TNR: variants seen among roughly 807,000 people sequenced by gnomAD.
TNR encodes the protein tenascin R.
In TNR, 45 loss-of-function variants were observed where a neutral mutation model predicts 150.4. The observed-to-expected ratio is 0.30, with a 90% CI of 0.24 to 0.38. TNR has a LOEUF of 0.38. Among genes scored for constraint, TNR ranks in the 10% least tolerant of loss-of-function variants. TNR has a pLI of 1.00. For missense variants in TNR, 1,544 were observed against 1,759.1 expected (o/e 0.88, Z 2.19); for synonymous variants, 687 against 678.4 (o/e 1.01, Z -0.20).
intron 1 of TNR, among the ~76,000 whole-genome samples, chr1:175,616,776 C>A (rs1017400988): frequency 2.0e-5 from 3 of 152,134 alleles, no homozygotes; most frequent in Non-Finnish European, 4.4e-5. Context: ...CTAGTGTTCC[C>A]AGCTACTCCC....
intron 18 of TNR, among the ~76,000 whole-genome samples, chr1:175,348,815 T>C (rs761288181): frequency 4.6e-5 from 7 of 152,154 alleles, no homozygotes; most frequent in Non-Finnish European, 8.8e-5. Flanking sequence ...GCGGAACATA[T>C]TGAAGAAAAC....
chr1:175,383,849 T>G (rs1393464386), intron 8 of TNR, among the ~76,000 whole-genome samples: 1 of 152,100 alleles, frequency 6.6e-6, no homozygotes, highest in Non-Finnish European at 1.5e-5. Context: ...TTCTTTCCCC[T>G]CACCCTCCTC....
At position 175,367,273 on chromosome 1, in the gene TNR, C is replaced by T; in HGVS notation, c.1988G>A (p.Gly663Glu). The stretch of plus-strand genomic sequence containing the variant: ...GTTCATGACGGCAGATATTCCAACT[C>T]CATACTCAGTGCCAGGTACCAGATC... ...LTDLVPGTEY[G>E]VGISAVMNSQ... Residue 663 changes from glycine to glutamate, a missense_variant, in exon 10 of 23, where the codon GGA becomes GAA. Gly to Glu is a moderately conservative substitution (Grantham distance 98, BLOSUM62 -2). Transcript: ENST00000367674. The T allele has an allele frequency of 6.2e-7, 1 of 1,614,166 alleles. No homozygotes were observed. The highest frequency in any genetic ancestry group is 8.5e-7 in the Non-Finnish European group (1 of 1,180,012).
chr1:175,346,412 T>C (rs539694176), intron 18 of TNR, among the ~76,000 whole-genome samples: 1 of 152,166 alleles, frequency 6.6e-6, no homozygotes, highest in East Asian at 1.9e-4. Context: ...AGTACTTGGA[T>C]TGTTACACAA....
At chr1:175,654,697 T>C (rs961682960) in intron 1 of TNR, among the ~76,000 whole-genome samples, 7 of 150,024 alleles carry the variant, frequency 4.7e-5, no homozygotes, top group Admixed American at 4.6e-4. Flanking sequence ...TGTCTTCCAC[T>C]ATCTCCAACA....
At chr1:175,625,332 C>T (rs917909431) in intron 1 of TNR, among the ~76,000 whole-genome samples, 2 of 152,232 alleles carry the variant, frequency 1.3e-5, no homozygotes, top group Non-Finnish European at 2.9e-5. Flanking sequence ...TGTAGCAGAA[C>T]TAGATGTTGG....
At chr1:175,715,468 GA>G (rs1667131320) in intron 1 of TNR, among the ~76,000 whole-genome samples, 1 of 152,140 alleles carries the variant, frequency 6.6e-6, no homozygotes, top group Admixed American at 6.5e-5. Flanking sequence ...CATCCATGAT[GA>G]AGCCTGACCA....
intron 1 of TNR, among the ~76,000 whole-genome samples, chr1:175,695,036 C>T (rs769793274): frequency 1.3e-4 from 20 of 152,170 alleles, no homozygotes; most frequent in Non-Finnish European, 2.4e-4. Context: ...TTTGACACTC[C>T]CCCTTCAAAA....
At chr1:175,341,338 C>T (rs1372914490) in intron 18 of TNR, among the ~76,000 whole-genome samples, 1 of 152,166 alleles carries the variant, frequency 6.6e-6, no homozygotes, top group Non-Finnish European at 1.5e-5. Context: ...GATGGAGAAT[C>T]TTTTAATTTT....
intron 2 of TNR, among the ~76,000 whole-genome samples, chr1:175,445,142 C>T (rs1297760788): frequency 6.6e-6 from 1 of 152,088 alleles, no homozygotes; most frequent in Non-Finnish European, 1.5e-5. Context: ...TGGTGGCAGG[C>T]ACCTGTAGTC....
intron 1 of TNR, among the ~76,000 whole-genome samples, chr1:175,655,854 A>G (rs1665155395): frequency 6.6e-6 from 1 of 152,176 alleles, no homozygotes; most frequent in African/African-American, 2.4e-5. Context: ...AGCTGTCACT[A>G]TAAGGACAAT....
At position 175,541,729 on chromosome 1, in the gene TNR, A is replaced by G. The variant is rs570638903; in HGVS notation, c.-164-13360T>C. 7.2e-5 allele frequency among the ~76,000 whole-genome samples: 11 copies of G among 152,312 alleles called. No individual in the cohort carries two copies. The South Asian group carries it at 2.1e-3, about 29-fold the overall frequency. On this transcript the variant is annotated intron_variant, in intron 1 of 22. Transcript: ENST00000367674. Reference sequence around the variant, plus strand: ...TACAATTTACACCAAGGGGGATGCCAGGTGTGGAGAAAAGCATGTATTTGA... The same window carrying G: ...TACAATTTACACCAAGGGGGATGCCGGGTGTGGAGAAAAGCATGTATTTGA...
intron 1 of TNR, among the ~76,000 whole-genome samples, chr1:175,608,355 T>C (rs2101852868): frequency 6.6e-6 from 1 of 152,348 alleles, no homozygotes; most frequent in South Asian, 2.1e-4. Flanking sequence ...CAAACTGGAT[T>C]CCTTTAAATG....
intron 1 of TNR, among the ~76,000 whole-genome samples, chr1:175,685,644 A>G (rs773103430): frequency 1.1e-4 from 16 of 152,086 alleles, no homozygotes; most frequent in Non-Finnish European, 1.9e-4. Context: ...AAAAATAGTC[A>G]AAGTCTATAC....
At chr1:175,362,481 C>T (rs79247495) in intron 14 of TNR, among the ~76,000 whole-genome samples, 182 bp downstream of exon 14, 4 of 152,076 alleles carry the variant, frequency 2.6e-5, no homozygotes, top group South Asian at 2.1e-4. Context: ...ACTCTCTAAA[C>T]GTTTAGTATT....
intron 1 of TNR, among the ~76,000 whole-genome samples, chr1:175,679,495 C>T (rs6685612): frequency 0.28 from 43,087 of 152,146 alleles, 6,483 homozygotes; most frequent in Non-Finnish European, 0.33. Flanking sequence ...CAATTGGATA[C>T]GCAAAATGTC....
chr1:175,373,436 T>C (rs908434078), intron 9 of TNR, among the ~76,000 whole-genome samples: 1 of 152,124 alleles, frequency 6.6e-6, no homozygotes, highest in Non-Finnish European at 1.5e-5. Context: ...CCCACACTTA[T>C]CTCTTTGGAT....
Position 175,403,480 on chromosome 1 carries a change from C to A in TNR, c.636G>T (p.Gly212=), listed in dbSNP as rs750486420. The A allele has an allele frequency of 1.4e-5, 22 of 1,614,092 alleles. No homozygotes were observed. The highest frequency in any genetic ancestry group is 5.3e-5 in the African/African-American group (4 of 74,934). ...PYCPLGCSSR[G]VCVDGQCICD... ...AGATGCACTGGCCATCCACACACAC[C>A]CCCCGGCTGGAGCAACCCAGCGGGC... The change falls in exon 4 of 23, where the codon GGG becomes GGT. Residue 212 remains glycine (G), a synonymous_variant. Coordinates refer to ENST00000367674, the MANE Select transcript of TNR (RefSeq NM_003285.3).
chr1:175,489,375 C>T (rs572895946), intron 2 of TNR, among the ~76,000 whole-genome samples: 2 of 152,294 alleles, frequency 1.3e-5, no homozygotes, highest in African/African-American at 2.4e-5. Context: ...TAGCTGCCAT[C>T]CTCGATGGGG....
Sources: gnomAD v4.1 joint callset for allele counts (sites outside exome capture counted in the v4.1 genomes callset) on GRCh38, gnomAD v4.1.1 for gene constraint, MANE v1.5 for transcripts, NCBI Gene and HGNC (gene_info 2026-07-23, HGNC 2026-07-21) for gene names.